Variants in RABGAP1 observed in about 807,000 individuals in gnomAD.
The protein encoded by RABGAP1 is RAB GTPase activating protein 1, also known as rab GTPase-activating protein 1.
A neutral mutation model predicts 137.6 loss-of-function variants in RABGAP1; 23 were observed. That is an observed-to-expected ratio of 0.17 (90% confidence interval 0.12 to 0.24). RABGAP1 has a LOEUF of 0.24. RABGAP1 is among the 10% of genes least tolerant of loss of function. RABGAP1 has a pLI of 1.00. For missense variants in RABGAP1, 906 were observed against 1,275.8 expected (o/e 0.71, Z 4.42); for synonymous variants, 451 against 450.7 (o/e 1.00, Z -0.01).
intron 13 of RABGAP1, chr9:123,034,107 C>A: frequency 6.0e-6 from 1 of 166,880 alleles, no homozygotes; most frequent in Admixed American, 6.0e-5. Flanking sequence ...CCTGAGCTAG[C>A]CAGGTTCTTT....
chr9:123,095,562 CAT>C (rs2035157585), intron 21 of RABGAP1, among the ~76,000 whole-genome samples: 1 of 152,116 alleles, frequency 6.6e-6, no homozygotes, highest in South Asian at 2.1e-4. Flanking sequence ...AATAGCTGAG[CAT>C]AGTGACACAT....
intron 1 of RABGAP1, among the ~76,000 whole-genome samples, chr9:122,951,470 G>A (rs988448687): frequency 5.3e-5 from 8 of 151,916 alleles, no homozygotes; most frequent in African/African-American, 1.2e-4. Flanking sequence ...TTCAAGAACC[G>A]ACTGCCTTTG....
intron 4 of RABGAP1, among the ~76,000 whole-genome samples, chr9:122,986,635 G>C (rs1428685103): frequency 6.6e-6 from 1 of 152,180 alleles, no homozygotes; most frequent in Non-Finnish European, 1.5e-5. Context: ...ATCATGTGTA[G>C]TACATTAGGC....
intron 1 of RABGAP1, among the ~76,000 whole-genome samples, chr9:122,945,146 G>GTTTTTTTTTTTTTT (rs1564348056): frequency 1.1e-3 from 10 of 9,172 alleles, no homozygotes; most frequent in Admixed American, 1.6e-3. Context: ...CATAGCTGTT[G>GTTTTTTTTTTTTTT]CTTTTTTTTT....
intron 13 of RABGAP1, chr9:123,034,397 T>G (rs1254030168): frequency 3.3e-6 from 2 of 601,728 alleles, no homozygotes; most frequent in East Asian, 5.5e-5. Flanking sequence ...AAAGGGGAAT[T>G]GCACTGCAGG....
intron 1 of RABGAP1, among the ~76,000 whole-genome samples, chr9:122,941,313 G>T (rs949483206): frequency 6.6e-6 from 1 of 152,256 alleles, no homozygotes; most frequent in African/African-American, 2.4e-5. Flanking sequence ...TGCGCAGGCT[G>T]GGCCGCTCTG....
At chr9:122,953,302 G>C (rs147820591) in intron 1 of RABGAP1, among the ~76,000 whole-genome samples, 126 of 152,088 alleles carry the variant, frequency 8.3e-4, no homozygotes, top group African/African-American at 2.8e-3. Context: ...ATAGTCCTTA[G>C]TAATTTATAC....
intron 1 of RABGAP1, among the ~76,000 whole-genome samples, chr9:122,956,467 G>A (rs1043211902): frequency 2.6e-5 from 4 of 152,078 alleles, no homozygotes; most frequent in Admixed American, 1.3e-4. Context: ...TGGCTAACAC[G>A]GTGAAACCCC....
chr9:123,015,855 A>G (rs968531941), intron 12 of RABGAP1, among the ~76,000 whole-genome samples: 17 of 152,216 alleles, frequency 1.1e-4, no homozygotes, highest in African/African-American at 3.9e-4. Flanking sequence ...TGGAGAAAAT[A>G]TTTATCCAAA....
At chr9:123,027,297 G>A (rs2032033585) in intron 13 of RABGAP1, among the ~76,000 whole-genome samples, 2 of 151,920 alleles carry the variant, frequency 1.3e-5, no homozygotes. Context: ...TGTATTTTTA[G>A]TAGAGATGGG....
chr9:123,056,508 T>G lies in RABGAP1; in HGVS notation c.1795-8840T>G, dbSNP rs1278286638. On this transcript the variant is annotated intron_variant, in intron 13 of 25. Coordinates refer to ENST00000373647, the MANE Select transcript of RABGAP1 (RefSeq NM_012197.4). Reference sequence around the variant, plus strand: ...TTTTTTTTTTTTTTTTAATTGATCATTCTTGGGTGTTTCTTGCAGAGTGGG... The same window carrying G: ...TTTTTTTTTTTTTTTTAATTGATCAGTCTTGGGTGTTTCTTGCAGAGTGGG... 4.7e-5 allele frequency among the ~76,000 whole-genome samples: 7 copies of G among 149,168 alleles called. No individual in the cohort carries two copies. In the East Asian group the frequency reaches 1.4e-3, roughly 29 times the overall value.
chr9:123,005,802 G>A (rs2030204494), intron 10 of RABGAP1, among the ~76,000 whole-genome samples: 2 of 152,166 alleles, frequency 1.3e-5, no homozygotes, highest in African/African-American at 4.8e-5. Flanking sequence ...TGACACATAA[G>A]GTGAACGTAC....
intron 2 of RABGAP1, among the ~76,000 whole-genome samples, chr9:122,960,989 AAAAC>A (rs1834822337): frequency 1.3e-5 from 2 of 152,296 alleles, no homozygotes; most frequent in South Asian, 4.1e-4. Flanking sequence ...AACATGAAGA[AAAAC>A]AATGTAGAAA....
chr9:122,961,858 T>C (rs1450859752), intron 2 of RABGAP1, among the ~76,000 whole-genome samples: 1 of 152,086 alleles, frequency 6.6e-6, no homozygotes, highest in Non-Finnish European at 1.5e-5. Context: ...AAAAAGGAGA[T>C]AAGATAGGGA....
chr9:122,952,397 T>A (rs1351159837), intron 1 of RABGAP1, among the ~76,000 whole-genome samples: 1 of 152,094 alleles, frequency 6.6e-6, no homozygotes, highest in Non-Finnish European at 1.5e-5. Context: ...TAGCTGGGAC[T>A]ACAGGCGCCT....
intron 2 of RABGAP1, among the ~76,000 whole-genome samples, chr9:122,973,618 T>C (rs1835593793): frequency 6.6e-6 from 1 of 152,136 alleles, no homozygotes; most frequent in Non-Finnish European, 1.5e-5. Flanking sequence ...TGAAAGAAAA[T>C]TGCCAAACTT....
intron 13 of RABGAP1, among the ~76,000 whole-genome samples, chr9:123,053,593 G>A (rs2033577021): frequency 6.6e-6 from 1 of 152,136 alleles, no homozygotes; most frequent in South Asian, 2.1e-4. Flanking sequence ...CTTTATTCCT[G>A]TGAAGTATAT....
Position 123,104,237 on chromosome 9 carries a change from G to C in RABGAP1, c.*1024G>C, listed in dbSNP as rs2035435027. 6.6e-6 allele frequency: 1 copy of C among 152,482 alleles called. No homozygotes were observed. Among genetic ancestry groups the C allele is most frequent in the Non-Finnish European group, 1.5e-5 (1 of 68,022 alleles). The allele number at this position is 152,482 out of a possible 1,614,324, so 9.4% of individuals were successfully genotyped here. Reference sequence around the variant, plus strand: ...TTGTCCAAGTGAGAAAGACTGAGTTGCGTGTCTGTAAATGTCTGCGCAGGG... The same window carrying C: ...TTGTCCAAGTGAGAAAGACTGAGTTCCGTGTCTGTAAATGTCTGCGCAGGG... On this transcript the variant is annotated 3_prime_UTR_variant, in exon 26 of 26. Coordinates refer to ENST00000373647, the MANE Select transcript of RABGAP1 (RefSeq NM_012197.4).
intron 2 of RABGAP1, among the ~76,000 whole-genome samples, chr9:122,958,690 AT>A (rs112971780): frequency 5.0e-4 from 76 of 152,220 alleles, no homozygotes; most frequent in African/African-American, 1.7e-3. Flanking sequence ...CTAAAGTATA[AT>A]TTTAAAAAAA....
Sources: allele counts gnomAD v4.1 joint callset (sites outside exome capture counted in the v4.1 genomes callset), GRCh38; gene constraint gnomAD v4.1.1; transcripts MANE v1.5; gene names NCBI Gene and HGNC (gene_info 2026-07-23, HGNC 2026-07-21).